Variants in CRABP1 observed in about 807,000 individuals in gnomAD.
The protein encoded by CRABP1 is cellular retinoic acid-binding protein 1.
In CRABP1, 9 loss-of-function variants were observed where a neutral mutation model predicts 16.4. That is an observed-to-expected ratio of 0.55 (90% CI 0.33 to 0.96). The LOEUF is 0.96. Among genes scored for constraint, CRABP1 ranks in the 40% least tolerant of loss-of-function variants. The probability of loss-of-function intolerance (pLI) is 0.03; values close to 1 mark genes in which losing one functional copy is unlikely to be tolerated. For missense variants in CRABP1, 157 were observed against 186.0 expected (o/e 0.84, Z 0.91); for synonymous variants, 72 against 70.4 (o/e 1.02, Z -0.11).
chr15:78,342,144 C>A (rs1430091708), intron 2 of CRABP1, among the ~76,000 whole-genome samples: 1 of 152,092 alleles, frequency 6.6e-6, no homozygotes, highest in African/African-American at 2.4e-5. Flanking sequence ...CAAAGCCCCC[C>A]AGAAGCAGGC....
At position 78,340,880 on chromosome 15, in the gene CRABP1, C is replaced by T; in HGVS notation, c.71-163C>T. The T allele has an allele frequency of 5.4e-6, 4 of 738,292 alleles. No homozygotes were observed. The South Asian group carries it at 7.6e-5, about 14-fold the overall frequency. 45.7% of individuals were successfully genotyped at this position (738,292 alleles called of 1,614,324 possible). A position where few individuals can be genotyped will look rare whatever the true frequency, so the allele number is the denominator to read the frequency against. ...CAACTCGAGGAAAGTCACTTACCCT[C>T]TCTGTGCCTCAGTCTCTCATCTCGA... On this transcript the variant is annotated intron_variant, in intron 1 of 3. Coordinates refer to ENST00000299529, the MANE Select transcript of CRABP1 (RefSeq NM_004378.3).
intron 3 of CRABP1, among the ~76,000 whole-genome samples, chr15:78,346,998 T>TG (rs200433656): frequency 0.012 from 1,742 of 151,244 alleles, 14 homozygotes; most frequent in Non-Finnish European, 0.017. Flanking sequence ...TTTTTGTTTT[T>TG]TTTTTTTTTA....
rs780324178 is a variant in CRABP1 at position 78,341,184 on chromosome 15, G to A, written c.212G>A (p.Gly71Asp). 1 of 1,612,644 alleles carries A rather than the reference G, an allele frequency of 6.2e-7. No individual in the cohort carries two copies. Residue 71 changes from glycine (G) to aspartate (D), a missense_variant, in exon 2 of 4, where the codon GGC (glycine) becomes GAC (aspartate). Coordinates refer to ENST00000299529, the MANE Select transcript of CRABP1 (RefSeq NM_004378.3). This position sits in a 1 kb window ranked among gnomAD's most constrained non-coding sequence, Gnocchi z 5.3. ...GAGATCAACTTCAAGGTCGGAGAAG[G>A]CTTTGAGGAGGAGACCGTGGACGGA... ...TTEINFKVGE[G>D]FEEETVDGRK... is the part of the protein sequence containing the mutation.
At chr15:78,342,945 G>A (rs549227128) in intron 2 of CRABP1, among the ~76,000 whole-genome samples, 1 of 152,120 alleles carries the variant, frequency 6.6e-6, no homozygotes, top group African/African-American at 2.4e-5. Flanking sequence ...AACCCCATCT[G>A]TACTAAATAT....
Position 78,341,387 on chromosome 15 carries a change from T to C in CRABP1, c.249+166T>C. 1.3e-6 allele frequency: 1 copy of C among 755,018 alleles called. No individual in the cohort carries two copies. The highest frequency in any genetic ancestry group is 2.3e-6 in the Non-Finnish European group (1 of 438,646). The allele number at this position is 755,018 out of a possible 1,614,324, so 46.8% of individuals were successfully genotyped here. On this transcript the variant is annotated intron_variant, in intron 2 of 3. Transcript: ENST00000299529. The surrounding 1 kb of genome is among the most constrained non-coding windows in gnomAD (Gnocchi z 5.3). ...GGGGTTTGTGCATCCTAGTTGCCCCTGGCTCAAGACAAAGTATTACCTTCA... is the reference window on the plus strand; with the variant it reads ...GGGGTTTGTGCATCCTAGTTGCCCCCGGCTCAAGACAAAGTATTACCTTCA...
rs372825750 is a variant in CRABP1, at chr15:78,343,503, T to C, written c.254T>C (p.Leu85Ser). The stretch of plus-strand genomic sequence containing the variant: ...TAATGGTTTTCCCGCCTGCAGAGTT[T>C]AGCCACTTGGGAGAATGAGAACAAG... ...ETVDGRKCRS[L>S]ATWENENKIH... Residue 85 changes from leucine to serine, a missense_variant, in exon 3 of 4, where the codon TTA becomes TCA. Transcript: ENST00000299529. 6.2e-7 allele frequency: 1 copy of C among 1,613,852 alleles called. No homozygotes were observed. Among genetic ancestry groups the C allele is most frequent in the African/African-American group, 1.3e-5 (1 of 74,924 alleles).
rs180937988 is a variant in CRABP1 at position 78,345,348 on chromosome 15, T to C, written c.363+1736T>C. ...TGTCCTTCCCTGGTATGATTTAACA[T>C]GCTTTCTCCTTTCACAGAGAAAGGA... is the stretch of plus-strand genomic sequence containing the variant. On this transcript the variant is annotated intron_variant, in intron 3 of 3. Transcript: ENST00000299529. Among the ~76,000 whole-genome samples the C allele has an allele frequency of 2.0e-5, 3 of 152,336 alleles. No individual in the cohort carries two copies. In the East Asian group the frequency reaches 5.8e-4, roughly 29 times the overall value.
intron 3 of CRABP1, among the ~76,000 whole-genome samples, chr15:78,343,992 C>T (rs902892164): frequency 1.3e-5 from 2 of 152,106 alleles, no homozygotes; most frequent in Non-Finnish European, 2.9e-5. Context: ...CATTCTCATT[C>T]CCCCTTTTGC....
rs148723854 is a variant in CRABP1 at position 78,346,785 on chromosome 15, G to A, written c.364-1142G>A. Among the ~76,000 whole-genome samples the A allele has an allele frequency of 6.6e-5, 10 of 152,314 alleles. No homozygotes were observed. The East Asian group carries it at 1.4e-3, about 21-fold the overall frequency. On this transcript the variant is annotated intron_variant, in intron 3 of 3. Coordinates refer to ENST00000299529, the MANE Select transcript of CRABP1 (RefSeq NM_004378.3). ...AGCATATGTTCTCTGAGAGCATCTC[G>A]TGACCAACTAAGATGGCAGGGTAAG...
chr15:78,343,667 G>C, intron 3 of CRABP1, 55 bp downstream of exon 3: 1 of 1,350,708 alleles, frequency 7.4e-7, no homozygotes, highest in Non-Finnish European at 1.1e-6. Context: ...GGGGGCCCCA[G>C]ATGGGCCCCA....
chr15:78,340,547 G>A (rs2050226876), intron 1 of CRABP1, 49 bp downstream of exon 1: 5 of 1,583,308 alleles, frequency 3.2e-6, no homozygotes, highest in Non-Finnish European at 4.3e-6. Context: ...CGGCCCGGAG[G>A]TGCCCTGGTC....
At chr15:78,347,789 G>C in intron 3 of CRABP1, 138 bp from the exon 4 acceptor site, 1 of 789,756 alleles carries the variant, frequency 1.3e-6, no homozygotes, top group East Asian at 2.5e-5. Flanking sequence ...TGCTTAGCCT[G>C]AGCACACACA....
rs1298052572 is a variant in CRABP1 at position 78,341,457 on chromosome 15, A to T, written c.249+236A>T. 2 of 526,018 alleles carry T rather than the reference A, an allele frequency of 3.8e-6. No homozygotes were observed. Among genetic ancestry groups the T allele is most frequent in the African/African-American group, 3.8e-5 (2 of 52,126 alleles). The allele number at this position is 526,018 out of a possible 1,614,324, so 32.6% of individuals were successfully genotyped here. A position where few individuals can be genotyped will look rare whatever the true frequency, so the allele number is the denominator to read the frequency against. On this transcript the variant is annotated intron_variant, in intron 2 of 3. Transcript: ENST00000299529. The surrounding 1 kb of genome is among the most constrained non-coding windows in gnomAD (Gnocchi z 5.3). ...CTACGCTGCCTCCCGGGGTGCTAACAGCCGCGCTTAAAGAGCGGGCTCTGG... is the reference window on the plus strand; with the variant it reads ...CTACGCTGCCTCCCGGGGTGCTAACTGCCGCGCTTAAAGAGCGGGCTCTGG...
At chr15:78,340,898 C>T in intron 1 of CRABP1, 145 bp from the exon 2 acceptor site, 1 of 822,108 alleles carries the variant, frequency 1.2e-6, no homozygotes, top group Non-Finnish European at 1.9e-6. Context: ...CTCAGTCTCT[C>T]ATCTCGAAAA....
intron 3 of CRABP1, among the ~76,000 whole-genome samples, chr15:78,347,168 A>T (rs1202291134): frequency 6.6e-6 from 1 of 152,088 alleles, no homozygotes; most frequent in Non-Finnish European, 1.5e-5. Flanking sequence ...CTGTGCAATG[A>T]TTCGTGTCCT....
chr15:78,344,109 T>C (rs1187596548), intron 3 of CRABP1, among the ~76,000 whole-genome samples: 1 of 152,174 alleles, frequency 6.6e-6, no homozygotes, highest in Non-Finnish European at 1.5e-5. Context: ...AGCCAGGCAA[T>C]GAATGCTAAT....
intron 3 of CRABP1, among the ~76,000 whole-genome samples, chr15:78,344,296 A>C (rs2050252512): frequency 6.6e-6 from 1 of 152,180 alleles, no homozygotes; most frequent in South Asian, 2.1e-4. Context: ...CCCCGTCTCT[A>C]CTAAAAATAC....
Position 78,341,025 on chromosome 15 carries a change from GT to G in CRABP1, c.71-17del. ...CGGCGAGGCCCCGTGACCCAAGCCT[GT>G]GGTGCACCCTGCGCAGGTGTGAACG... On this transcript the variant is annotated splice_polypyrimidine_tract_variant and intron_variant, in intron 1 of 3. Coordinates refer to ENST00000299529, the MANE Select transcript of CRABP1 (RefSeq NM_004378.3). The surrounding 1 kb of genome is among the most constrained non-coding windows in gnomAD (Gnocchi z 5.3). The G allele has an allele frequency of 6.3e-7, 1 of 1,599,706 alleles. No homozygotes were observed. The highest frequency in any genetic ancestry group is 8.5e-7 in the Non-Finnish European group (1 of 1,176,186).
At chr15:78,345,337 A>G (rs1025745450) in intron 3 of CRABP1, among the ~76,000 whole-genome samples, 1 of 152,180 alleles carries the variant, frequency 6.6e-6, no homozygotes, top group Non-Finnish European at 1.5e-5. Context: ...CTTCCCTGGT[A>G]TGATTTAACA....
Sources: gnomAD v4.1 joint callset for allele counts (sites outside exome capture counted in the v4.1 genomes callset) on GRCh38, gnomAD v4.1.1 for gene constraint, Gnocchi (gnomAD v3.1) non-coding constraint, MANE v1.5 for transcripts, NCBI Gene and HGNC (gene_info 2026-07-23, HGNC 2026-07-21) for gene names.